CPQ: variants seen among roughly 807,000 people sequenced by gnomAD.
CPQ encodes the protein Ser-Met dipeptidase.
In CPQ, 37 loss-of-function variants were observed where a neutral mutation model predicts 45.7. That is an observed-to-expected ratio of 0.81 (90% CI 0.62 to 1.07). The LOEUF is 1.07. CPQ is among the 50% of genes least tolerant of loss of function. The pLI is 0.00. For synonymous variants in CPQ, 186 were observed against 205.8 expected (o/e 0.90, Z 0.82); for missense variants, 537 against 572.9 (o/e 0.94, Z 0.64).
intron 3 of CPQ, among the ~76,000 whole-genome samples, chr8:96,879,244 T>A (rs965403652): frequency 4.6e-5 from 7 of 152,350 alleles, no homozygotes; most frequent in Admixed American, 1.3e-4. Flanking sequence ...CAGCAACTTT[T>A]CTTTATGAGA....
Position 96,899,585 on chromosome 8 carries a change from G to A in CPQ, c.849+19580G>A, listed in dbSNP as rs114738148. On this transcript the variant is annotated intron_variant, in intron 4 of 7. Transcript: ENST00000220763. ...AGGAGAAGCAGGCAACTCACGTGGC[G>A]GGAGTGGGAGCAAGAGAGAGAGAGT... Among the ~76,000 whole-genome samples the A allele has an allele frequency of 5.5e-3, 831 of 152,108 alleles. 2 individuals are homozygous for A. Among genetic ancestry groups the A allele is most frequent in the African/African-American group, 0.016 (667 of 41,500 alleles).
intron 1 of CPQ, among the ~76,000 whole-genome samples, chr8:96,668,789 T>TC (rs1453159986): frequency 1.3e-5 from 2 of 151,984 alleles, no homozygotes; most frequent in Non-Finnish European, 2.9e-5. Context: ...ATTACTGAGT[T>TC]CCCTGGGTTT....
In CPQ at chr8:96,700,728, G is replaced by A. The variant is rs564820561; in HGVS notation, c.-35+55326G>A. 1.1e-4 allele frequency among the ~76,000 whole-genome samples: 16 copies of A among 152,230 alleles called. 1 individual carries two copies. In the East Asian group the frequency reaches 1.9e-3, roughly 18 times the overall value. On this transcript the variant is annotated intron_variant, in intron 1 of 7. Transcript: ENST00000220763. ...AATTTCTCTCCCACTGCTCTAATGC[G>A]TGGGTGGACTTACAGCCTGGAAGCT...
intron 6 of CPQ, among the ~76,000 whole-genome samples, chr8:97,051,601 A>T (rs1176825879): frequency 6.6e-6 from 1 of 152,210 alleles, no homozygotes; most frequent in Non-Finnish European, 1.5e-5. Flanking sequence ...AAAAATAAAG[A>T]TGTAATTTTT....
rs531543010 is a variant in CPQ at position 97,121,914 on chromosome 8, A to T, written c.1256-21106A>T. Among the ~76,000 whole-genome samples the T allele has an allele frequency of 9.9e-5, 15 of 152,262 alleles. No individual in the cohort carries two copies. In the South Asian group the frequency reaches 2.7e-3, roughly 27 times the overall value. On this transcript the variant is annotated intron_variant, in intron 7 of 7. Coordinates refer to ENST00000220763, the MANE Select transcript of CPQ (RefSeq NM_016134.4). ...TAGATTAGATACTGCCAAATAAAAG[A>T]TACATGAACTCGAAAAGATAGTGAT...
chr8:96,777,150 A>T (rs1394155537), intron 1 of CPQ, among the ~76,000 whole-genome samples: 1 of 152,110 alleles, frequency 6.6e-6, no homozygotes, highest in Non-Finnish European at 1.5e-5. Context: ...TGCATCTTTT[A>T]TAGGCACAGA....
intron 1 of CPQ, among the ~76,000 whole-genome samples, chr8:96,664,974 C>A (rs1323237949): frequency 6.6e-6 from 1 of 152,170 alleles, no homozygotes; most frequent in African/African-American, 2.4e-5. Flanking sequence ...GACAGCAATG[C>A]TTCCCTTGAA....
intron 5 of CPQ, among the ~76,000 whole-genome samples, chr8:97,004,670 T>C (rs1047127098): frequency 2.6e-5 from 4 of 152,108 alleles, no homozygotes; most frequent in Admixed American, 2.6e-4. Flanking sequence ...GAAAAACAGT[T>C]AAAGTTTACT....
chr8:96,789,518 T>C (rs1243216395), intron 2 of CPQ, among the ~76,000 whole-genome samples: 3 of 152,222 alleles, frequency 2.0e-5, no homozygotes, highest in Non-Finnish European at 4.4e-5. Flanking sequence ...ATGCTTAGGT[T>C]CCTTTAGACA....
At chr8:97,056,718 T>C (rs1220704027) in intron 6 of CPQ, among the ~76,000 whole-genome samples, 1 of 152,190 alleles carries the variant, frequency 6.6e-6, no homozygotes, top group Non-Finnish European at 1.5e-5. Flanking sequence ...AGCTACATTC[T>C]GGACATTAGT....
intron 3 of CPQ, among the ~76,000 whole-genome samples, chr8:96,840,376 T>C (rs905520640): frequency 1.3e-5 from 2 of 152,014 alleles, no homozygotes; most frequent in Non-Finnish European, 2.9e-5. Context: ...TGGAGAACCA[T>C]GGAATGTGTT....
At chr8:96,667,596 G>A (rs555344466) in intron 1 of CPQ, among the ~76,000 whole-genome samples, 5 of 151,988 alleles carry the variant, frequency 3.3e-5, no homozygotes, top group African/African-American at 4.8e-5. Context: ...TGATCTGCCC[G>A]CCTCGGCTTC....
rs200361203 is a variant in CPQ, at chr8:96,919,625, C to T, written c.849+39620C>T. ...ACTGGTTTTATGTCCCACAACTATG[C>T]GGCCCCTGGAAGGTATTCTTGTGTG... On this transcript the variant is annotated intron_variant, in intron 4 of 7. Coordinates refer to ENST00000220763, the MANE Select transcript of CPQ (RefSeq NM_016134.4). Among the ~76,000 whole-genome samples, 45 of 152,258 alleles carry T rather than the reference C, an allele frequency of 3.0e-4. 1 individual carries two copies. The South Asian group carries it at 5.4e-3, about 18-fold the overall frequency.
At chr8:96,742,172 A>G (rs1304093304) in intron 1 of CPQ, among the ~76,000 whole-genome samples, 1 of 151,210 alleles carries the variant, frequency 6.6e-6, no homozygotes, top group Admixed American at 6.6e-5. Context: ...TATTGGGTGC[A>G]TATATATTTA....
At chr8:96,913,086 G>A (rs951301476) in intron 4 of CPQ, among the ~76,000 whole-genome samples, 1 of 152,152 alleles carries the variant, frequency 6.6e-6, no homozygotes, top group Non-Finnish European at 1.5e-5. Flanking sequence ...GAAAGGAGGG[G>A]CTTCAAATAA....
At chr8:97,126,951 A>G (rs1811856863) in intron 7 of CPQ, among the ~76,000 whole-genome samples, 1 of 152,228 alleles carries the variant, frequency 6.6e-6, no homozygotes, top group Admixed American at 6.5e-5. Context: ...TAGTGTTAAA[A>G]CAGATATCCT....
At chr8:96,972,169 T>C (rs1813690355) in intron 5 of CPQ, among the ~76,000 whole-genome samples, 1 of 152,156 alleles carries the variant, frequency 6.6e-6, no homozygotes, top group South Asian at 2.1e-4. Flanking sequence ...GGGGGCACTG[T>C]GGGAGTGAGA....
At chr8:96,990,229 ACCCCTT>A (rs1429305628) in intron 5 of CPQ, among the ~76,000 whole-genome samples, 2 of 151,752 alleles carry the variant, frequency 1.3e-5, no homozygotes, top group African/African-American at 4.8e-5. Context: ...CTCTCCCTAG[ACCCCTT>A]CAGGTCTTTT....
At chr8:96,731,100 C>T (rs1809908248) in intron 1 of CPQ, among the ~76,000 whole-genome samples, 1 of 151,780 alleles carries the variant, frequency 6.6e-6, no homozygotes, top group South Asian at 2.1e-4. Flanking sequence ...GAATTAGGGT[C>T]TGAAGAGTAG....
Sources: gnomAD v4.1 joint callset for allele counts (sites outside exome capture counted in the v4.1 genomes callset) on GRCh38, gnomAD v4.1.1 for gene constraint, MANE v1.5 for transcripts, NCBI Gene and HGNC (gene_info 2026-07-23, HGNC 2026-07-21) for gene names.